The following ZMPSTE24 variants were observed in gnomAD, a reference collection of about 807,000 sequenced individuals.
ZMPSTE24 encodes the protein CAAX prenyl protease 1 homolog.
ZMPSTE24 carries 48 observed loss-of-function variants against 56.7 expected under a neutral mutation model. That is an observed-to-expected ratio of 0.85 (90% CI 0.67 to 1.08). The LOEUF (loss-of-function observed/expected upper bound fraction) is 1.08, where lower values mean the gene tolerates loss of function less well. Among genes scored for constraint, ZMPSTE24 ranks in the 50% least tolerant of loss-of-function variants. The probability of loss-of-function intolerance (pLI) is 0.00; values close to 1 mark genes in which losing one functional copy is unlikely to be tolerated. For missense variants in ZMPSTE24, 503 were observed against 548.7 expected, an observed-to-expected ratio of 0.92 and a Z score of 0.83; for synonymous variants, 172 against 195.2, an observed-to-expected ratio of 0.88 and a Z score of 0.99.
At chr1:40,262,747 T>C in intron 2 of ZMPSTE24, 1 of 967,006 alleles carries the variant, frequency 1.0e-6, no homozygotes, top group Non-Finnish European at 1.3e-6. Flanking sequence ...GCTTGGTAAG[T>C]GTATTTGCCT....
intron 1 of ZMPSTE24, among the ~76,000 whole-genome samples, chr1:40,260,263 A>G (rs928973752): frequency 2.6e-5 from 4 of 151,450 alleles, no homozygotes; most frequent in African/African-American, 4.9e-5. Flanking sequence ...ATTTCACCAC[A>G]TTGCTCAGGC....
intron 6 of ZMPSTE24, among the ~76,000 whole-genome samples, chr1:40,273,497 A>G (rs1182848108): frequency 7.5e-6 from 1 of 133,266 alleles, no homozygotes; most frequent in African/African-American, 2.8e-5. Flanking sequence ...AGCCTGGGCA[A>G]CAAGAGCCAA....
intron 9 of ZMPSTE24, 75 bp downstream of exon 9, chr1:40,291,072 A>G: frequency 6.4e-7 from 1 of 1,568,650 alleles, no homozygotes; most frequent in East Asian, 2.2e-5. Context: ...GGATAGTGAA[A>G]AAGGAAATAG....
At chr1:40,277,269 G>T (rs754453856) in intron 6 of ZMPSTE24, among the ~76,000 whole-genome samples, 2 of 151,980 alleles carry the variant, frequency 1.3e-5, no homozygotes, top group Admixed American at 6.6e-5. Flanking sequence ...TGTATTTTTA[G>T]TAGAGACAAG....
chr1:40,268,993 G>A (rs539624308), intron 4 of ZMPSTE24, among the ~76,000 whole-genome samples: 6 of 149,212 alleles, frequency 4.0e-5, no homozygotes, highest in South Asian at 2.1e-4. Flanking sequence ...GGAGAATGGC[G>A]TGAACCCGGG....
At chr1:40,283,207 A>G (rs1643747459) in intron 7 of ZMPSTE24, among the ~76,000 whole-genome samples, 1 of 152,232 alleles carries the variant, frequency 6.6e-6, no homozygotes, top group African/African-American at 2.4e-5. Flanking sequence ...AAGTTTAGAA[A>G]GTTAATCTGC....
chr1:40,269,916 T>C, intron 4 of ZMPSTE24, 59 bp from the exon 5 acceptor site: 1 of 1,561,348 alleles, frequency 6.4e-7, no homozygotes, highest in Non-Finnish European at 8.6e-7. Flanking sequence ...TATTTATCAG[T>C]TATTTTAAAA....
At chr1:40,269,272 G>A (rs1173696688) in intron 4 of ZMPSTE24, among the ~76,000 whole-genome samples, 1 of 151,870 alleles carries the variant, frequency 6.6e-6, no homozygotes, top group Admixed American at 6.6e-5. Context: ...GCATGCACCT[G>A]AAGTCCCAGC....
intron 6 of ZMPSTE24, among the ~76,000 whole-genome samples, chr1:40,276,657 T>C (rs1275035765): frequency 6.6e-6 from 1 of 152,240 alleles, no homozygotes; most frequent in Non-Finnish European, 1.5e-5. Flanking sequence ...TATACAGTCA[T>C]GCATTGCTTA....
Position 40,292,885 on chromosome 1 carries a change from A to G in ZMPSTE24, c.*216A>G. On this transcript the variant is annotated 3_prime_UTR_variant, in exon 10 of 10. Coordinates refer to ENST00000372759, the MANE Select transcript of ZMPSTE24 (RefSeq NM_005857.5). ...TGAAGCTTAATGTTTTTAAAGGCATAGTTTTATCTTTGACATCTAATTTAC... is the reference window on the plus strand; with the variant it reads ...TGAAGCTTAATGTTTTTAAAGGCATGGTTTTATCTTTGACATCTAATTTAC... The G allele has an allele frequency of 2.2e-6, 1 of 463,282 alleles. No homozygotes were observed. Among genetic ancestry groups the G allele is most frequent in the Admixed American group, 3.7e-5 (1 of 26,798 alleles). The allele number at this position is 463,282 out of a possible 1,614,324, so 28.7% of individuals were successfully genotyped here. A position where few individuals can be genotyped will look rare whatever the true frequency, so the allele number is the denominator to read the frequency against.
At chr1:40,291,388 T>G (rs1643842821) in intron 9 of ZMPSTE24, among the ~76,000 whole-genome samples, 1 of 152,206 alleles carries the variant, frequency 6.6e-6, no homozygotes, top group Non-Finnish European at 1.5e-5. Context: ...GCTTAGTGAC[T>G]GTTCCTCTGC....
rs1445426720 is a variant in ZMPSTE24 at position 40,285,870 on chromosome 1, A to G, written c.955-55A>G. Reference sequence around the variant, plus strand: ...TATGAAGGGCTATTACTGGGTTAAAAGATAAAACTTTTTAAAGGTTCTCAA... The same window carrying G: ...TATGAAGGGCTATTACTGGGTTAAAGGATAAAACTTTTTAAAGGTTCTCAA... On this transcript the variant is annotated intron_variant, in intron 7 of 9. Coordinates refer to ENST00000372759, the MANE Select transcript of ZMPSTE24 (RefSeq NM_005857.5). 2.8e-6 allele frequency: 4 copies of G among 1,446,896 alleles called. No individual in the cohort carries two copies. In the East Asian group the frequency reaches 7.4e-5, roughly 27 times the overall value. The allele number at this position is 1,446,896 out of a possible 1,614,324, so 89.6% of individuals were successfully genotyped here.
rs536508143 is a variant in ZMPSTE24, at chr1:40,278,363, C to T, written c.770-2980C>T. Among the ~76,000 whole-genome samples the T allele has an allele frequency of 2.4e-3, 357 of 151,738 alleles. 1 individual carries two copies. The highest frequency in any genetic ancestry group is 3.8e-3 in the Non-Finnish European group (259 of 67,916). On this transcript the variant is annotated intron_variant, in intron 6 of 9. Coordinates refer to ENST00000372759, the MANE Select transcript of ZMPSTE24 (RefSeq NM_005857.5). ...AACGAGGTCAGGAGATCGAGACCATCCTGGCTAACACGGTGAAACCCCGTC... is the reference window on the plus strand; with the variant it reads ...AACGAGGTCAGGAGATCGAGACCATTCTGGCTAACACGGTGAAACCCCGTC...
intron 1 of ZMPSTE24, among the ~76,000 whole-genome samples, chr1:40,259,689 C>T (rs1201960180): frequency 1.3e-5 from 2 of 152,164 alleles, no homozygotes; most frequent in Admixed American, 1.3e-4. Flanking sequence ...AAGGCAGCCT[C>T]GAACTCGTGG....
At chr1:40,264,963 G>A (rs575178367) in intron 2 of ZMPSTE24, among the ~76,000 whole-genome samples, 1 of 150,148 alleles carries the variant, frequency 6.7e-6, no homozygotes, top group East Asian at 1.9e-4. Context: ...CATTAATTTT[G>A]CCATAGAACA....
chr1:40,265,869 C>A (rs545394019), intron 2 of ZMPSTE24, among the ~76,000 whole-genome samples: 1 of 152,182 alleles, frequency 6.6e-6, no homozygotes, highest in South Asian at 2.1e-4. Flanking sequence ...TGTCCAGAGA[C>A]CATATTTGAG....
chr1:40,292,475 C>G lies in ZMPSTE24; in HGVS notation c.1234C>G (p.Arg412Gly), dbSNP rs766674328. The G allele has an allele frequency of 1.9e-6, 3 of 1,613,984 alleles. No homozygotes were observed. In the South Asian group the frequency reaches 3.3e-5, roughly 18 times the overall value. ...TTCTTTTTGCCTAACAGTCCTAAGC[C>G]GCAGATTTGAGTTTCAAGCTGATGC... ...VLSFCLTVLS[R>G]RFEFQADAFA... is the part of the protein sequence containing the mutation. The change falls in exon 10 of 10, where the codon CGC becomes GGC. Residue 412 changes from arginine (R) to glycine (G), a missense_variant. Coordinates refer to ENST00000372759, the MANE Select transcript of ZMPSTE24 (RefSeq NM_005857.5).
intron 6 of ZMPSTE24, among the ~76,000 whole-genome samples, chr1:40,277,025 G>A (rs1486582872): frequency 1.3e-5 from 2 of 151,676 alleles, no homozygotes; most frequent in Admixed American, 6.6e-5. Flanking sequence ...TGCGGTACAT[G>A]ACTGTATGCG....
chr1:40,281,825 G>T (rs1643733529), intron 7 of ZMPSTE24, among the ~76,000 whole-genome samples: 1 of 151,988 alleles, frequency 6.6e-6, no homozygotes, highest in African/African-American at 2.4e-5. Flanking sequence ...ATATATGTGT[G>T]TGTATATATA....
Sources: allele counts gnomAD v4.1 joint callset (sites outside exome capture counted in the v4.1 genomes callset), GRCh38; gene constraint gnomAD v4.1.1; transcripts MANE v1.5; gene names NCBI Gene and HGNC (gene_info 2026-07-23, HGNC 2026-07-21).